NRXN2: variants seen among roughly 807,000 people sequenced by gnomAD.
NRXN2 encodes the protein neurexin-2-beta.
NRXN2 carries 29 observed loss-of-function variants against 128.8 expected under a neutral mutation model. That is an observed-to-expected ratio of 0.23 (90% confidence interval 0.17 to 0.31). The LOEUF is 0.31. Among genes scored for constraint, NRXN2 ranks in the 10% least tolerant of loss-of-function variants. The pLI is 1.00. For synonymous variants in NRXN2, 1,098 were observed against 1,075.2 expected, an observed-to-expected ratio of 1.02 and a Z score of -0.41; for missense variants, 1,881 against 2,452.6, an observed-to-expected ratio of 0.77 and a Z score of 4.92.
At chr11:64,617,228 G>GT (rs1221300403) in intron 22 of NRXN2, among the ~76,000 whole-genome samples, 5 of 152,168 alleles carry the variant, frequency 3.3e-5, no homozygotes, top group African/African-American at 1.2e-4. Flanking sequence ...GTATGTAAAT[G>GT]TATGTATGTG....
chr11:64,656,997 C>T (rs1419762094), intron 11 of NRXN2, among the ~76,000 whole-genome samples: 6 of 151,836 alleles, frequency 4.0e-5, no homozygotes, highest in Non-Finnish European at 1.5e-5. Flanking sequence ...GCCTCCGCTC[C>T]CTCTTCAGGC....
At chr11:64,666,653 T>C (rs1297949224) in intron 9 of NRXN2, among the ~76,000 whole-genome samples, 1 of 151,806 alleles carries the variant, frequency 6.6e-6, no homozygotes, top group Non-Finnish European at 1.5e-5. Flanking sequence ...AAGCTCCGCC[T>C]CCCAGGTTCA....
At chr11:64,685,607 G>T (rs772384571) in intron 6 of NRXN2, 39 bp downstream of exon 6, 1 of 1,613,490 alleles carries the variant, frequency 6.2e-7, no homozygotes, top group African/African-American at 1.3e-5. Flanking sequence ...TTCTACCCCA[G>T]GTATAGCTAA....
At chr11:64,608,488 T>G (rs1226382488) in intron 22 of NRXN2, among the ~76,000 whole-genome samples, 1 of 144,456 alleles carries the variant, frequency 6.9e-6, no homozygotes, top group Non-Finnish European at 1.5e-5. Flanking sequence ...TTTTTCTCTT[T>G]TTTTGCTTTT....
intron 19 of NRXN2, among the ~76,000 whole-genome samples, chr11:64,627,611 A>C (rs1424167324): frequency 2.6e-5 from 4 of 151,148 alleles, no homozygotes; most frequent in Non-Finnish European, 4.4e-5. Context: ...TGCGCTCACC[A>C]ATCTCCAGCC....
At chr11:64,702,627 C>T (rs1390304273) in intron 2 of NRXN2, among the ~76,000 whole-genome samples, 1 of 151,942 alleles carries the variant, frequency 6.6e-6, no homozygotes, top group African/African-American at 2.4e-5. Context: ...GTCATCACCA[C>T]TCCCTAATCT....
At chr11:64,683,829 G>A (rs796985084) in intron 6 of NRXN2, among the ~76,000 whole-genome samples, 22 of 152,134 alleles carry the variant, frequency 1.4e-4, no homozygotes, top group African/African-American at 4.8e-4. Flanking sequence ...TCTCGACTCC[G>A]GGAACCCCAG....
chr11:64,674,083 C>T (rs1011398433), intron 7 of NRXN2, among the ~76,000 whole-genome samples: 1 of 151,164 alleles, frequency 6.6e-6, no homozygotes, highest in African/African-American at 2.4e-5. Flanking sequence ...CTTGCCATGT[C>T]ACCCAGGCTA....
At chr11:64,613,602 G>A in intron 22 of NRXN2, among the ~76,000 whole-genome samples, 1 of 152,214 alleles carries the variant, frequency 6.6e-6, no homozygotes, top group East Asian at 1.9e-4. Context: ...CACCACAGAT[G>A]GAAGGAGTGT....
chr11:64,678,309 C>T (rs755772930), intron 6 of NRXN2, among the ~76,000 whole-genome samples: 2 of 152,010 alleles, frequency 1.3e-5, no homozygotes, highest in Non-Finnish European at 2.9e-5. Context: ...CAGAACTTTC[C>T]CCAAAAGTTC....
In NRXN2 at chr11:64,607,195, C is replaced by T; in HGVS notation, c.*1G>A. The T allele has an allele frequency of 6.2e-7, 1 of 1,612,816 alleles. No homozygotes were observed. Among genetic ancestry groups the T allele is most frequent in the Non-Finnish European group, 8.5e-7 (1 of 1,179,264 alleles). On this transcript the variant is annotated 3_prime_UTR_variant, in exon 23 of 23. Transcript: ENST00000265459. The stretch of plus-strand genomic sequence containing the variant: ...TGGCAGTGGGGCGCAGTGCCGGGGG[C>T]TCAGACATAATACTCCTTGTCTTTG...
intron 12 of NRXN2, among the ~76,000 whole-genome samples, chr11:64,652,836 A>C (rs1173674464): frequency 1.3e-5 from 2 of 152,086 alleles, no homozygotes; most frequent in African/African-American, 2.4e-5. Context: ...TTTACTCAAG[A>C]CCAGGATTAT....
At chr11:64,657,225 G>A (rs372595590) in intron 11 of NRXN2, among the ~76,000 whole-genome samples, 2 of 152,232 alleles carry the variant, frequency 1.3e-5, no homozygotes, top group South Asian at 2.1e-4. Context: ...CAAGCAATGG[G>A]GGACAGGAAT....
chr11:64,642,764 G>T (rs1243406912), intron 17 of NRXN2: 13 of 1,220,470 alleles, frequency 1.1e-5, no homozygotes, highest in Non-Finnish European at 1.1e-5. Context: ...GCCGGGGGGC[G>T]GCGCGGGCAC....
At chr11:64,699,112 AAAAC>A (rs2054938228) in intron 2 of NRXN2, among the ~76,000 whole-genome samples, 1 of 152,234 alleles carries the variant, frequency 6.6e-6, no homozygotes, top group Non-Finnish European at 1.5e-5. Context: ...CTATACTCTG[AAAAC>A]AAACATAGTC....
intron 2 of NRXN2, among the ~76,000 whole-genome samples, chr11:64,698,948 C>G (rs1306346101): frequency 1.3e-5 from 2 of 152,192 alleles, no homozygotes; most frequent in African/African-American, 4.8e-5. Context: ...AACACACAAA[C>G]CCAGTGGGGA....
intron 9 of NRXN2, chr11:64,661,385 G>A (rs2049008104): frequency 1.4e-6 from 2 of 1,420,820 alleles, no homozygotes; most frequent in East Asian, 2.6e-5. Flanking sequence ...GAATGCTGTG[G>A]GCCTCTGTCC....
rs576430833 is a variant in NRXN2 at position 64,660,124 on chromosome 11, G to A, written c.2389+208C>T. Among the ~76,000 whole-genome samples the A allele has an allele frequency of 2.0e-5, 3 of 152,280 alleles. No individual in the cohort carries two copies. Among genetic ancestry groups the A allele is most frequent in the East Asian group, 1.9e-4 (1 of 5,186 alleles). On this transcript the variant is annotated intron_variant, in intron 11 of 22. Coordinates refer to ENST00000265459, the MANE Select transcript of NRXN2 (RefSeq NM_015080.4). The surrounding 1 kb of genome is among the most constrained non-coding windows in gnomAD (Gnocchi z 5.2). ...TCTGGGTCTTGCCCCTCACAGTGTCGTCGAGCATGGAATGTCGCCCTACAC... is the reference window on the plus strand; with the variant it reads ...TCTGGGTCTTGCCCCTCACAGTGTCATCGAGCATGGAATGTCGCCCTACAC...
chr11:64,678,189 C>T (rs550779381), intron 6 of NRXN2, among the ~76,000 whole-genome samples: 4 of 152,234 alleles, frequency 2.6e-5, no homozygotes, highest in East Asian at 1.9e-4. Context: ...TTGCCCTCCA[C>T]GGACTGGCAG....
Sources: gnomAD v4.1 joint callset for allele counts (sites outside exome capture counted in the v4.1 genomes callset) on GRCh38, gnomAD v4.1.1 for gene constraint, Gnocchi (gnomAD v3.1) non-coding constraint, MANE v1.5 for transcripts, NCBI Gene and HGNC (gene_info 2026-07-23, HGNC 2026-07-21) for gene names.